SELE: variants seen among roughly 807,000 people sequenced by gnomAD.
SELE encodes the protein E-selectin.
In SELE, 52 loss-of-function variants were observed where a neutral mutation model predicts 75.8. The ratio of observed to expected loss-of-function variants is 0.69; its 90% CI spans 0.55 to 0.86. SELE has a LOEUF of 0.86. Ranked by LOEUF, SELE falls within the 40% of genes least tolerant of loss-of-function variation. The probability of loss-of-function intolerance (pLI) is 0.00; values close to 1 mark genes in which losing one functional copy is unlikely to be tolerated. For synonymous variants in SELE, 285 were observed against 258.7 expected, an observed-to-expected ratio of 1.10 and a Z score of -0.98; for missense variants, 754 against 732.7, an observed-to-expected ratio of 1.03 and a Z score of -0.34.
rs1437748428 is a variant in SELE, at chr1:169,729,299, G to C, written c.977C>G (p.Thr326Ser). 6.2e-7 allele frequency: 1 copy of C among 1,614,124 alleles called. No individual in the cohort carries two copies. The highest frequency in any genetic ancestry group is 1.7e-5 in the Admixed American group (1 of 60,026). ...GGTGAAGTTGCAGGATGATTTGAAGGTGAACTCTCCAGCAGGGGAATGGCT... is the reference window on the plus strand; with the variant it reads ...GGTGAAGTTGCAGGATGATTTGAAGCTGAACTCTCCAGCAGGGGAATGGCT... ...RCSHSPAGEF[T>S]FKSSCNFTCE... The change falls in exon 7 of 14, where the codon ACC becomes AGC. Residue 326 changes from threonine to serine, a missense_variant. Transcript: ENST00000333360.
intron 5 of SELE, among the ~76,000 whole-genome samples, 188 bp downstream of exon 5, chr1:169,730,244 A>T (rs1648878462): frequency 6.6e-6 from 1 of 152,168 alleles, no homozygotes. Context: ...GCATAGAATA[A>T]AAAAACCTCT....
At chr1:169,730,988 T>C (rs1262431781) in intron 4 of SELE, among the ~76,000 whole-genome samples, 2 of 152,198 alleles carry the variant, frequency 1.3e-5, no homozygotes, top group African/African-American at 4.8e-5. Context: ...TACAGTAAGC[T>C]TCCAACCAGG....
chr1:169,732,365 G>C (rs1366413314), intron 3 of SELE, among the ~76,000 whole-genome samples: 1 of 149,558 alleles, frequency 6.7e-6, no homozygotes, highest in South Asian at 2.1e-4. Flanking sequence ...TATAAATGCT[G>C]TAGGCTATAT....
Position 169,728,072 on chromosome 1 carries a change from T to C in SELE, c.1265A>G (p.Lys422Arg). 1 of 1,612,456 alleles carries C rather than the reference T, an allele frequency of 6.2e-7. No individual in the cohort carries two copies. The stretch of plus-strand genomic sequence containing the variant: ...AAAGACTGTACCTTCACATGTGGGC[T>C]TCTCGTTGTCCCACTCCCCTGTGGG... The part of the protein sequence containing the change: ...CGPTGEWDNE[K>R]PTCEAVRCDA... The change falls in exon 8 of 14, where the codon AAG becomes AGG. Residue 422 changes from lysine (K) to arginine (R), a missense_variant. Transcript: ENST00000333360.
chr1:169,726,110 C>G (rs1449272831), intron 11 of SELE, among the ~76,000 whole-genome samples, 182 bp from the exon 12 acceptor site: 1 of 152,134 alleles, frequency 6.6e-6, no homozygotes, highest in Non-Finnish European at 1.5e-5. Context: ...AAGTGCACAG[C>G]CATCCAAAGG....
chr1:169,731,315 T>G (rs1648906456), intron 4 of SELE, among the ~76,000 whole-genome samples: 1 of 152,096 alleles, frequency 6.6e-6, no homozygotes, highest in East Asian at 1.9e-4. Context: ...CTCATCTAAC[T>G]CTCTTAATGT....
chr1:169,726,763 A>C lies in SELE; in HGVS notation c.1689T>G (p.Ala563=), dbSNP rs1800017. The C allele has an allele frequency of 3.7e-6, 6 of 1,613,986 alleles. No individual in the cohort carries two copies. The highest frequency in any genetic ancestry group is 5.1e-6 in the Non-Finnish European group (6 of 1,179,938). Residue 563 remains alanine (A), a synonymous_variant, in exon 11 of 14, where the codon GCT becomes GCG. Coordinates refer to ENST00000333360, the MANE Select transcript of SELE (RefSeq NM_000450.2). ...CTAATGTCAGGAGGGAGAGTCCAGC[A>C]GCAGAAAGTCCAGCTACCAAGGGAA... The part of the protein sequence containing the change: ...SNIPLVAGLS[A]AGLSLLTLAP...
chr1:169,725,836 G>C, intron 12 of SELE, 35 bp from the exon 13 acceptor site: 1 of 1,613,620 alleles, frequency 6.2e-7, no homozygotes, highest in Non-Finnish European at 8.5e-7. Context: ...GTAAAGCACT[G>C]TCTTCCAACA....
chr1:169,729,559 T>C lies in SELE; in HGVS notation c.830A>G (p.Glu277Gly), dbSNP rs202110925. The change falls in exon 6 of 14, where the codon GAA becomes GGA. Residue 277 changes from glutamate (E) to glycine (G), a missense_variant. Transcript: ENST00000333360. Reference sequence around the variant, plus strand: ...CTGAAGGCTCTGGGCTCCCATTAGTTCAAATCCTTCTTCACAGTCAAATGT... The same window carrying C: ...CTGAAGGCTCTGGGCTCCCATTAGTCCAAATCCTTCTTCACAGTCAAATGT... ...TCTFDCEEGF[E>G]LMGAQSLQCT... 15 of 1,614,206 alleles carry C rather than the reference T, an allele frequency of 9.3e-6. 1 individual carries two copies. In the East Asian group the frequency reaches 2.9e-4, roughly 31 times the overall value.
Position 169,732,571 on chromosome 1 carries a change from C to A in SELE, c.421+44G>T, listed in dbSNP as rs878866135. ...GCATGCTGTAAATTTGCCAAGATGC[C>A]CACACACTGAAACTACCTCCCACTG... On this transcript the variant is annotated intron_variant, in intron 3 of 13. Transcript: ENST00000333360. 2.6e-6 allele frequency: 4 copies of A among 1,517,228 alleles called. No individual in the cohort carries two copies. In the South Asian group the frequency reaches 4.1e-5, roughly 15 times the overall value. 94.0% of individuals were successfully genotyped at this position (1,517,228 alleles called of 1,614,324 possible).
At chr1:169,729,403 C>T (rs1323348782) in intron 6 of SELE, 29 bp from the exon 7 acceptor site, 2 of 1,610,422 alleles carry the variant, frequency 1.2e-6, no homozygotes, top group Non-Finnish European at 1.7e-6. Context: ...TTGATATTAG[C>T]ACGGCCTAGA....
chr1:169,725,125 C>A (rs1211621647), intron 13 of SELE, among the ~76,000 whole-genome samples: 6 of 152,120 alleles, frequency 3.9e-5, no homozygotes, highest in African/African-American at 1.4e-4. Flanking sequence ...CAGTGGCTCA[C>A]GCCTGTAATC....
chr1:169,727,092 T>C (rs1171868988), intron 10 of SELE, among the ~76,000 whole-genome samples: 1 of 152,190 alleles, frequency 6.6e-6, no homozygotes, highest in East Asian at 1.9e-4. Flanking sequence ...GCTCTCTTGC[T>C]CTCACTCCCT....
At position 169,732,821 on chromosome 1, in the gene SELE, A is replaced by G. The variant is rs1571147634; in HGVS notation, c.215T>C (p.Ile72Thr). 2 of 1,614,090 alleles carry G rather than the reference A, an allele frequency of 1.2e-6. No individual in the cohort carries two copies. The highest frequency in any genetic ancestry group is 1.7e-5 in the Admixed American group (1 of 60,012). ...CACATTGTTGACTTTTCTGATTCCA[A>G]TCCAGTAATAACTTGGTGAATAGCT... Reference protein sequence around the residue: ...ILSYSPSYYWIGIRKVNNVWV... With the variant: ...ILSYSPSYYWTGIRKVNNVWV... The change falls in exon 3 of 14, where the codon ATT becomes ACT. Residue 72 changes from isoleucine (I) to threonine (T), a missense_variant. By Grantham distance (89) the Ile-to-Thr change is moderately conservative. Transcript: ENST00000333360.
intron 11 of SELE, 41 bp from the exon 12 acceptor site, chr1:169,725,969 T>A (rs3917432): frequency 0.092 from 148,746 of 1,610,812 alleles, 8,874 homozygotes; most frequent in Admixed American, 0.26. Context: ...TCAGACTAAA[T>A]GACTTTTAAG....
At position 169,726,771 on chromosome 1, in the gene SELE, G is replaced by A. The variant is rs1206180870; in HGVS notation, c.1681C>T (p.Leu561Phe). 6.2e-7 allele frequency: 1 copy of A among 1,613,656 alleles called. No homozygotes were observed. Among genetic ancestry groups the A allele is most frequent in the Non-Finnish European group, 8.5e-7 (1 of 1,179,870 alleles). ...AGGAGGGAGAGTCCAGCAGCAGAAA[G>A]TCCAGCTACCAAGGGAATGTTGGAC... is the stretch of plus-strand genomic sequence containing the variant. ...TESNIPLVAG[L>F]SAAGLSLLTL... The change falls in exon 11 of 14, where the codon CTT (leucine) becomes TTT (phenylalanine). Residue 561 changes from leucine (L) to phenylalanine (F), a missense_variant. By Grantham distance (22) the Leu-to-Phe change is conservative. Coordinates refer to ENST00000333360, the MANE Select transcript of SELE (RefSeq NM_000450.2).
In SELE at chr1:169,732,603, C is replaced by T. The variant is rs1648941566; in HGVS notation, c.421+12G>A. On this transcript the variant is annotated intron_variant, in intron 3 of 13. Coordinates refer to ENST00000333360, the MANE Select transcript of SELE (RefSeq NM_000450.2). ...CTGAAACTACCTCCCACTGCTGCCG[C>T]AAACTCCCTACCTGTGTAGCATAGG... 3 of 1,542,656 alleles carry T rather than the reference C, an allele frequency of 1.9e-6. No individual in the cohort carries two copies. The highest frequency in any genetic ancestry group is 2.5e-5 in the South Asian group (2 of 78,518).
chr1:169,727,642 T>C (rs1488262640), intron 9 of SELE, 97 bp downstream of exon 9: 5 of 1,528,726 alleles, frequency 3.3e-6, no homozygotes, highest in Non-Finnish European at 4.4e-6. Flanking sequence ...TTTCAGCATG[T>C]AGGAAATTAG....
chr1:169,728,335 A>G (rs1571144992), intron 7 of SELE, 89 bp from the exon 8 acceptor site: 1 of 1,214,684 alleles, frequency 8.2e-7, no homozygotes, highest in South Asian at 1.5e-5. Flanking sequence ...CATTCAAGCA[A>G]CACTTGGAGA....
Sources: allele counts gnomAD v4.1 joint callset (sites outside exome capture counted in the v4.1 genomes callset), GRCh38; gene constraint gnomAD v4.1.1; transcripts MANE v1.5; gene names NCBI Gene and HGNC (gene_info 2026-07-23, HGNC 2026-07-21).